QKI: variants seen among roughly 807,000 people sequenced by gnomAD.
QKI encodes KH domain-containing RNA-binding protein QKI.
In QKI, 10 loss-of-function variants were observed where a neutral mutation model predicts 39.0. The observed-to-expected ratio is 0.26, with a 90% CI of 0.16 to 0.43. The LOEUF (loss-of-function observed/expected upper bound fraction) is 0.43. Ranked by LOEUF, QKI falls within the 20% of genes least tolerant of loss-of-function variation. The pLI is 1.00. For missense variants in QKI, 218 were observed against 428.0 expected (o/e 0.51, Z 4.33); for synonymous variants, 204 against 155.4 (o/e 1.31, Z -2.33).
chr6:163,484,988 G>C (rs1342049987), intron 3 of QKI, among the ~76,000 whole-genome samples: 2 of 152,108 alleles, frequency 1.3e-5, no homozygotes, highest in African/African-American at 4.8e-5. Context: ...ATAAAAGGAG[G>C]TATGCCTGTA....
intron 3 of QKI, among the ~76,000 whole-genome samples, chr6:163,512,123 A>C (rs1779521845): frequency 1.3e-5 from 2 of 152,112 alleles, no homozygotes. Flanking sequence ...GAGCAACAGA[A>C]GTATTTGACA....
chr6:163,513,951 G>C (rs1236179043), intron 3 of QKI, among the ~76,000 whole-genome samples: 1 of 152,084 alleles, frequency 6.6e-6, no homozygotes, highest in Non-Finnish European at 1.5e-5. Context: ...TGGTGGGCTG[G>C]ATTTCAGAAG....
intron 2 of QKI, among the ~76,000 whole-genome samples, chr6:163,456,133 A>G (rs1273246907): frequency 6.6e-6 from 1 of 152,106 alleles, no homozygotes; most frequent in African/African-American, 2.4e-5. Flanking sequence ...TCTGATCTCT[A>G]CTGGCTGGCT....
intron 4 of QKI, among the ~76,000 whole-genome samples, chr6:163,556,505 A>C (rs1457441396): frequency 1.0e-4 from 1 of 9,658 alleles, no homozygotes; most frequent in Non-Finnish European, 3.5e-4. Flanking sequence ...TTCCACCTCA[A>C]AAAAAAAAAA....
At chr6:163,475,387 A>G (rs1173267075) in intron 2 of QKI, among the ~76,000 whole-genome samples, 1 of 152,202 alleles carries the variant, frequency 6.6e-6, no homozygotes, top group African/African-American at 2.4e-5. Flanking sequence ...AGTGATTTAC[A>G]CAGTATTTAC....
chr6:163,565,768 A>G (rs948441774), intron 6 of QKI: 13 of 1,280,710 alleles, frequency 1.0e-5, no homozygotes, highest in African/African-American at 4.5e-5. Flanking sequence ...GTTATAATAA[A>G]TTTGCACACA....
At chr6:163,461,842 C>T (rs1791376667) in intron 2 of QKI, among the ~76,000 whole-genome samples, 1 of 152,192 alleles carries the variant, frequency 6.6e-6, no homozygotes, top group African/African-American at 2.4e-5. Context: ...TCAGAATTGT[C>T]ACACATGAAA....
chr6:163,511,050 C>T (rs1201833807), intron 3 of QKI, among the ~76,000 whole-genome samples: 1 of 151,954 alleles, frequency 6.6e-6, no homozygotes, highest in East Asian at 1.9e-4. Context: ...CCATAAGGTA[C>T]AAAGGATTAA....
rs1485446857 is a variant in QKI at position 163,468,008 on chromosome 6, C to T, written c.286-10772C>T. Among the ~76,000 whole-genome samples, 3 of 152,162 alleles carry T rather than the reference C, an allele frequency of 2.0e-5. No individual in the cohort carries two copies. In the East Asian group the frequency reaches 5.8e-4, roughly 29 times the overall value. ...TTCATTCTGTATTTTTAATTAAAAA[C>T]AGTTGTGCTGTTAATATATAGACAC... On this transcript the variant is annotated intron_variant, in intron 2 of 7. Coordinates refer to ENST00000361752, the MANE Select transcript of QKI (RefSeq NM_006775.3).
At chr6:163,474,756 A>G (rs4709718) in intron 2 of QKI, among the ~76,000 whole-genome samples, 60,291 of 145,018 alleles carry the variant, frequency 0.42, 15,690 homozygotes, top group East Asian at 0.71. Flanking sequence ...AGCCTGGGCA[A>G]CGTAGTGAGA....
chr6:163,424,588 A>G (rs1191388311), intron 1 of QKI, among the ~76,000 whole-genome samples: 8 of 152,190 alleles, frequency 5.3e-5, no homozygotes, highest in Non-Finnish European at 1.2e-4. Context: ...GTTGATGGGT[A>G]TTCAGAAGAG....
intron 1 of QKI, among the ~76,000 whole-genome samples, chr6:163,445,295 T>A (rs565028935): frequency 1.3e-5 from 2 of 152,070 alleles, no homozygotes; most frequent in Non-Finnish European, 2.9e-5. Context: ...CTCCTCACTC[T>A]GTTGGTTTTT....
intron 4 of QKI, among the ~76,000 whole-genome samples, chr6:163,544,495 G>A (rs970823844): frequency 6.6e-6 from 1 of 152,000 alleles, no homozygotes; most frequent in African/African-American, 2.4e-5. Context: ...GTGAGAAAAT[G>A]TTCCTGCAAA....
chr6:163,549,268 T>C (rs1439445858), intron 4 of QKI, among the ~76,000 whole-genome samples: 1 of 152,104 alleles, frequency 6.6e-6, no homozygotes, highest in Non-Finnish European at 1.5e-5. Context: ...TCATTTTCCT[T>C]AGCAGTCCTG....
intron 1 of QKI, among the ~76,000 whole-genome samples, chr6:163,419,631 A>G (rs561773028): frequency 4.5e-4 from 69 of 152,300 alleles, no homozygotes; most frequent in African/African-American, 1.7e-3. Flanking sequence ...CAGTCACGGA[A>G]AAGATCAGTT....
At chr6:163,556,310 C>T (rs1213727822) in intron 4 of QKI, among the ~76,000 whole-genome samples, 1 of 151,858 alleles carries the variant, frequency 6.6e-6, no homozygotes, top group Non-Finnish European at 1.5e-5. Context: ...GTCAGGAGTT[C>T]GAGACCAGCC....
rs114789337 is a variant in QKI, at chr6:163,576,995, G to A, written c.*6285G>A. The stretch of plus-strand genomic sequence containing the variant: ...ATGGTACAGTTTTTATGTAGTTTTC[G>A]AATGTAAGAAGAAAGGAATGCTGAC... On this transcript the variant is annotated 3_prime_UTR_variant, in exon 8 of 8. Coordinates refer to ENST00000361752, the MANE Select transcript of QKI (RefSeq NM_006775.3). The A allele has an allele frequency of 2.8e-4, 42 of 151,930 alleles. No individual in the cohort carries two copies. Among genetic ancestry groups the A allele is most frequent in the African/African-American group, 2.4e-4 (10 of 41,370 alleles). 9.4% of individuals were successfully genotyped at this position (151,930 alleles called of 1,614,324 possible). A position where few individuals can be genotyped will look rare whatever the true frequency, so the allele number is the denominator to read the frequency against.
intron 7 of QKI, chr6:163,570,274 A>G (rs1454436017): frequency 5.1e-6 from 5 of 982,342 alleles, no homozygotes; most frequent in Admixed American, 1.2e-4. Flanking sequence ...TAATGCTTGC[A>G]TCTTAGAGAA....
chr6:163,468,799 T>C (rs1260694925), intron 2 of QKI, among the ~76,000 whole-genome samples: 1 of 152,238 alleles, frequency 6.6e-6, no homozygotes, highest in Non-Finnish European at 1.5e-5. Flanking sequence ...TTTAATTGAA[T>C]GAAGCTGCAG....
Sources: allele counts gnomAD v4.1 joint callset (sites outside exome capture counted in the v4.1 genomes callset), GRCh38; gene constraint gnomAD v4.1.1; transcripts MANE v1.5; gene names NCBI Gene and HGNC (gene_info 2026-07-23, HGNC 2026-07-21).